The following PDE4B variants were observed in gnomAD, a reference collection of about 807,000 sequenced individuals.
The protein encoded by PDE4B is 3',5'-cyclic-AMP phosphodiesterase 4B.
In PDE4B, 20 loss-of-function variants were observed where a neutral mutation model predicts 82.2. That is an observed-to-expected ratio of 0.24 (90% confidence interval 0.17 to 0.35). The LOEUF is 0.35. Among genes scored for constraint, PDE4B ranks in the 10% least tolerant of loss-of-function variants. The probability of loss-of-function intolerance (pLI) is 1.00; values close to 1 mark genes in which losing one functional copy is unlikely to be tolerated. For synonymous variants in PDE4B, 320 were observed against 318.9 expected, an observed-to-expected ratio of 1.00 and a Z score of -0.04; for missense variants, 655 against 907.2, an observed-to-expected ratio of 0.72 and a Z score of 3.57.
Position 66,355,609 on chromosome 1 carries a change from A to G in PDE4B, c.830A>G (p.Asn277Ser), listed in dbSNP as rs371297521. 2.5e-6 allele frequency: 4 copies of G among 1,599,608 alleles called. No individual in the cohort carries two copies. The highest frequency in any genetic ancestry group is 1.1e-5 in the South Asian group (1 of 90,496). The change falls in exon 9 of 17, where the codon AAT (asparagine) becomes AGT (serine). Residue 277 changes from asparagine (N) to serine (S), a missense_variant. Physicochemically the swap from Asn to Ser is conservative, Grantham distance 46. Coordinates refer to ENST00000341517, the MANE Select transcript of PDE4B (RefSeq NM_002600.4). Reference sequence around the variant, plus strand: ...AACCAGGTGTCTGAATACATTTCAAATACTTTCTTAGGTAAGATATTAACT... The same window carrying G: ...AACCAGGTGTCTGAATACATTTCAAGTACTTTCTTAGGTAAGATATTAACT... ...SGNQVSEYIS[N>S]TFLDKQNDVE...
intron 1 of PDE4B, among the ~76,000 whole-genome samples, chr1:65,811,113 A>C (rs944286836): frequency 2.0e-5 from 3 of 152,218 alleles, no homozygotes; most frequent in African/African-American, 7.2e-5. Context: ...ATCTTTTGTC[A>C]GAGAGGAAAT....
intron 10 of PDE4B, among the ~76,000 whole-genome samples, chr1:66,362,210 A>G (rs1157916792): frequency 1.3e-5 from 2 of 152,224 alleles, no homozygotes; most frequent in Non-Finnish European, 2.9e-5. Flanking sequence ...GCAGGTCTGA[A>G]TTATCCCAGA....
intron 7 of PDE4B, among the ~76,000 whole-genome samples, chr1:66,314,633 G>A (rs180815403): frequency 8.5e-5 from 13 of 152,138 alleles, no homozygotes; most frequent in South Asian, 2.1e-4. Flanking sequence ...GGCTGGTTTC[G>A]AACTCCTGAT....
At chr1:66,358,144 C>A (rs1411594982) in intron 9 of PDE4B, among the ~76,000 whole-genome samples, 1 of 152,130 alleles carries the variant, frequency 6.6e-6, no homozygotes, top group African/African-American at 2.4e-5. Flanking sequence ...ACAGGGGACC[C>A]AGAGGGATGA....
intron 3 of PDE4B, among the ~76,000 whole-genome samples, chr1:66,038,399 A>G (rs1299738526): frequency 6.6e-6 from 1 of 152,140 alleles, no homozygotes; most frequent in East Asian, 1.9e-4. Flanking sequence ...AGAGTGTAGA[A>G]TCAGAGATTT....
intron 1 of PDE4B, among the ~76,000 whole-genome samples, chr1:65,808,482 A>G (rs1403620628): frequency 1.3e-5 from 2 of 152,192 alleles, no homozygotes; most frequent in African/African-American, 4.8e-5. Context: ...AAGAGCATAA[A>G]TGTTTGAAGG....
chr1:66,229,044 G>A (rs897128949), intron 3 of PDE4B, among the ~76,000 whole-genome samples: 37 of 151,948 alleles, frequency 2.4e-4, no homozygotes, highest in African/African-American at 8.4e-4. Flanking sequence ...GTCTTGCTCT[G>A]TCGCCCAGGC....
chr1:66,080,755 G>C (rs1254821610), intron 3 of PDE4B, among the ~76,000 whole-genome samples: 1 of 152,114 alleles, frequency 6.6e-6, no homozygotes, highest in East Asian at 1.9e-4. Flanking sequence ...TTTCTTCTTT[G>C]TTAACTTTTA....
Position 66,266,056 on chromosome 1 carries a change from T to A in PDE4B, c.603T>A (p.Ser201Arg). ...GTSNKRSPAA[S>R]QPPVSRVNPQ... ...TCCACAGGAGGTCCCCAGCTGCTAG[T>A]CAGCCTCCTGTCTCCAGAGTCAACC... The change falls in exon 7 of 17, where the codon AGT becomes AGA. Residue 201 changes from serine to arginine, a missense_variant. Ser to Arg is a moderately radical substitution (Grantham distance 110). Coordinates refer to ENST00000341517, the MANE Select transcript of PDE4B (RefSeq NM_002600.4). The A allele has an allele frequency of 6.2e-7, 1 of 1,613,534 alleles. No individual in the cohort carries two copies.
At chr1:66,083,205 C>T (rs1000139872) in intron 3 of PDE4B, among the ~76,000 whole-genome samples, 8 of 152,088 alleles carry the variant, frequency 5.3e-5, no homozygotes, top group Non-Finnish European at 7.4e-5. Context: ...CATCATGTCA[C>T]TGCCCTGTTC....
chr1:66,304,238 G>C (rs930087931), intron 7 of PDE4B, among the ~76,000 whole-genome samples: 1 of 152,080 alleles, frequency 6.6e-6, no homozygotes, highest in African/African-American at 2.4e-5. Context: ...AAACATTACA[G>C]GCATTGTGCT....
At chr1:66,242,261 T>C (rs1039479279) in intron 3 of PDE4B, among the ~76,000 whole-genome samples, 2 of 152,308 alleles carry the variant, frequency 1.3e-5, no homozygotes, top group South Asian at 4.1e-4. Flanking sequence ...TTTTCTCTTC[T>C]TTGAAATGAG....
chr1:66,167,042 C>T (rs1030006786), intron 3 of PDE4B, among the ~76,000 whole-genome samples: 6 of 152,172 alleles, frequency 3.9e-5, no homozygotes, highest in African/African-American at 1.4e-4. Flanking sequence ...GTCAATAAGA[C>T]AGCCGATAAC....
intron 7 of PDE4B, among the ~76,000 whole-genome samples, chr1:66,329,004 T>G (rs1467130069): frequency 6.6e-6 from 1 of 152,136 alleles, no homozygotes; most frequent in African/African-American, 2.4e-5. Flanking sequence ...TTGGGGACCA[T>G]GAGAAGGGAG....
chr1:66,195,639 A>G (rs1223424440), intron 3 of PDE4B, among the ~76,000 whole-genome samples: 1 of 152,106 alleles, frequency 6.6e-6, no homozygotes, highest in East Asian at 1.9e-4. Flanking sequence ...AGCTTTTCTA[A>G]CCTCAATTTT....
At chr1:66,334,241 A>T (rs1017641225) in intron 8 of PDE4B, among the ~76,000 whole-genome samples, 1 of 152,212 alleles carries the variant, frequency 6.6e-6, no homozygotes, top group East Asian at 1.9e-4. Flanking sequence ...AACTAGAGTC[A>T]CCAAGATAAA....
chr1:66,163,169 C>T (rs939789484), intron 3 of PDE4B, among the ~76,000 whole-genome samples: 10 of 152,166 alleles, frequency 6.6e-5, no homozygotes, highest in Non-Finnish European at 8.8e-5. Flanking sequence ...GACTCACCTG[C>T]AGAATGGAAT....
intron 1 of PDE4B, among the ~76,000 whole-genome samples, chr1:65,847,518 T>C (rs757450369): frequency 7.9e-5 from 12 of 152,236 alleles, no homozygotes; most frequent in Non-Finnish European, 1.8e-4. Context: ...CCTCTTTCTC[T>C]TAGCCTCTTT....
intron 1 of PDE4B, among the ~76,000 whole-genome samples, chr1:65,848,047 G>A (rs1646286661): frequency 6.6e-6 from 1 of 152,118 alleles, no homozygotes; most frequent in South Asian, 2.1e-4. Flanking sequence ...GGGAGTTAAT[G>A]TATTGATTAA....
Sources: allele counts gnomAD v4.1 joint callset (sites outside exome capture counted in the v4.1 genomes callset), GRCh38; gene constraint gnomAD v4.1.1; transcripts MANE v1.5; gene names NCBI Gene and HGNC (gene_info 2026-07-23, HGNC 2026-07-21).